The following RBL1 variants were observed in gnomAD, a reference collection of about 807,000 sequenced individuals.
The protein encoded by RBL1 is retinoblastoma-like protein 1.
Under a neutral mutation model 123.0 loss-of-function variants are expected in RBL1, and 82 were observed. The observed-to-expected ratio is 0.67, with a 90% CI of 0.56 to 0.80. RBL1 has a LOEUF of 0.80. Among genes scored for constraint, RBL1 ranks in the 30% least tolerant of loss-of-function variants. RBL1 has a pLI of 0.00. For missense variants in RBL1, 1,171 were observed against 1,299.6 expected (o/e 0.90, Z 1.52); for synonymous variants, 405 against 441.3 (o/e 0.92, Z 1.03).
intron 7 of RBL1, among the ~76,000 whole-genome samples, chr20:37,062,965 G>C (rs1009351098): frequency 3.9e-5 from 6 of 152,104 alleles, no homozygotes; most frequent in Non-Finnish European, 8.8e-5. Context: ...CTGGGCGACA[G>C]AGCGAGACTC....
At chr20:37,037,988 GTTTTTTT>G (rs57647591) in intron 14 of RBL1, among the ~76,000 whole-genome samples, 13 of 83,600 alleles carry the variant, frequency 1.6e-4, no homozygotes, top group Non-Finnish European at 2.4e-4. Flanking sequence ...CCCGGCCATT[GTTTTTTT>G]TTTTTTTTTT....
intron 2 of RBL1, among the ~76,000 whole-genome samples, chr20:37,074,195 T>C (rs1039758684): frequency 9.9e-5 from 15 of 151,496 alleles, no homozygotes; most frequent in African/African-American, 3.6e-4. Flanking sequence ...GGAAGATAGC[T>C]TTGAGTCCAG....
chr20:37,000,253 C>T (rs1313390547), intron 21 of RBL1, among the ~76,000 whole-genome samples: 1 of 148,958 alleles, frequency 6.7e-6, no homozygotes, highest in East Asian at 2.0e-4. Context: ...CCCCTCCGCC[C>T]GGCAGCCACT....
At chr20:37,005,565 G>A (rs901547330) in intron 20 of RBL1, among the ~76,000 whole-genome samples, 2 of 152,132 alleles carry the variant, frequency 1.3e-5, no homozygotes, top group Admixed American at 6.6e-5. Flanking sequence ...TTCCAACGTG[G>A]AAAAAATCTG....
chr20:37,059,504 G>A (rs1300079759), intron 9 of RBL1, among the ~76,000 whole-genome samples: 1 of 152,140 alleles, frequency 6.6e-6, no homozygotes, highest in Non-Finnish European at 1.5e-5. Context: ...TCCTGCTGGT[G>A]GTACATACGG....
chr20:37,088,408 T>C (rs2065587789), intron 2 of RBL1, among the ~76,000 whole-genome samples: 1 of 152,218 alleles, frequency 6.6e-6, no homozygotes, highest in Admixed American at 6.5e-5. Context: ...CTTATTTTTG[T>C]AACTTCTCTG....
intron 16 of RBL1, among the ~76,000 whole-genome samples, chr20:37,027,917 C>CTAATTTTT (rs2064451811): frequency 6.6e-6 from 1 of 152,074 alleles, no homozygotes; most frequent in South Asian, 2.1e-4. Flanking sequence ...ACTATGCTGG[C>CTAATTTTT]TAATTTTTTA....
At chr20:37,001,041 C>A (rs367759218) in intron 21 of RBL1, among the ~76,000 whole-genome samples, 17,645 of 139,432 alleles carry the variant, frequency 0.13, 1,360 homozygotes, top group East Asian at 0.44. Context: ...GTCAGCCCCC[C>A]ACCCGGCCAG....
chr20:37,045,937 C>G (rs1262713067), intron 12 of RBL1, among the ~76,000 whole-genome samples: 5 of 152,008 alleles, frequency 3.3e-5, no homozygotes, highest in African/African-American at 1.2e-4. Context: ...TGCCAAGAAG[C>G]GTAACAGTAG....
chr20:37,074,437 AAGAG>A (rs142078578), intron 2 of RBL1, among the ~76,000 whole-genome samples: 1 of 150,114 alleles, frequency 6.7e-6, no homozygotes, highest in African/African-American at 2.5e-5. Context: ...AAAAAAATTT[AAGAG>A]AGAGAGAGAG....
intron 2 of RBL1, among the ~76,000 whole-genome samples, chr20:37,075,575 C>A (rs2146317220): frequency 6.6e-6 from 1 of 152,194 alleles, no homozygotes; most frequent in East Asian, 1.9e-4. Context: ...CCTCCCTCAG[C>A]CTCCTGAGTA....
At chr20:37,073,673 G>A (rs964213761) in intron 2 of RBL1, among the ~76,000 whole-genome samples, 1 of 131,874 alleles carries the variant, frequency 7.6e-6, no homozygotes, top group Admixed American at 8.3e-5. Context: ...ACTCCAGTCT[G>A]GGTGACAGAG....
intron 11 of RBL1, among the ~76,000 whole-genome samples, chr20:37,055,318 A>G (rs2064984708): frequency 6.6e-6 from 1 of 151,932 alleles, no homozygotes. Flanking sequence ...AGAAAAAAAA[A>G]AAAAAAAAAA....
intron 1 of RBL1, among the ~76,000 whole-genome samples, chr20:37,094,228 G>A (rs190849491): frequency 8.5e-4 from 129 of 152,274 alleles, no homozygotes; most frequent in African/African-American, 2.9e-3. Context: ...GGGCAAGAGA[G>A]ACCAAATCAG....
chr20:37,074,959 A>C lies in RBL1; in HGVS notation c.291-6773T>G, dbSNP rs140071066. On this transcript the variant is annotated intron_variant, in intron 2 of 21. Transcript: ENST00000373664. ...CATAGCAACACTAATCAATAGCCAA[A>C]AGGTAGAAATAACTCATTAACTGAT... 4.0e-3 allele frequency among the ~76,000 whole-genome samples: 615 copies of C among 152,358 alleles called. 2 individuals carry two copies. The highest frequency in any genetic ancestry group is 6.8e-3 in the Non-Finnish European group (466 of 68,034).
chr20:36,999,363 T>C (rs2063925945), intron 21 of RBL1, among the ~76,000 whole-genome samples: 1 of 152,110 alleles, frequency 6.6e-6, no homozygotes, highest in South Asian at 2.1e-4. Context: ...TGATCATGCC[T>C]GGGAAACAGA....
At chr20:37,088,289 A>T (rs1415822765) in intron 2 of RBL1, among the ~76,000 whole-genome samples, 1 of 151,414 alleles carries the variant, frequency 6.6e-6, no homozygotes, top group Non-Finnish European at 1.5e-5. Context: ...AAAGAGAGAG[A>T]GAGAAAGATC....
chr20:37,059,823 C>T (rs2065065390), intron 9 of RBL1, among the ~76,000 whole-genome samples: 1 of 151,882 alleles, frequency 6.6e-6, no homozygotes, highest in Non-Finnish European at 1.5e-5. Flanking sequence ...CTTCATTCTA[C>T]CATCTTTACC....
intron 2 of RBL1, among the ~76,000 whole-genome samples, chr20:37,086,137 T>G (rs2065542009): frequency 6.6e-6 from 1 of 152,070 alleles, no homozygotes; most frequent in East Asian, 1.9e-4. Flanking sequence ...CAAAGATTTT[T>G]GAAATTATAT....
Sources: allele counts gnomAD v4.1 joint callset (sites outside exome capture counted in the v4.1 genomes callset), GRCh38; gene constraint gnomAD v4.1.1; transcripts MANE v1.5; gene names NCBI Gene and HGNC (gene_info 2026-07-23, HGNC 2026-07-21).